The following SMYD2 variants were observed in gnomAD, a reference collection of about 807,000 sequenced individuals.
The protein encoded by SMYD2 is N-lysine methyltransferase SMYD2.
In SMYD2, 53 loss-of-function variants were observed where a neutral mutation model predicts 59.1. The observed-to-expected ratio is 0.90, with a 90% confidence interval of 0.72 to 1.13. The LOEUF is 1.13. Among genes scored for constraint, SMYD2 ranks in the 50% most tolerant of loss-of-function variants. SMYD2 has a pLI of 0.00. For synonymous variants in SMYD2, 208 were observed against 198.8 expected (o/e 1.05, Z -0.39); for missense variants, 494 against 544.7 (o/e 0.91, Z 0.93).
chr1:214,319,145 A>G (rs1013654278), intron 5 of SMYD2, among the ~76,000 whole-genome samples, 162 bp downstream of exon 5: 6 of 152,170 alleles, frequency 3.9e-5, no homozygotes, highest in African/African-American at 1.4e-4. Flanking sequence ...AGCCTTGCTC[A>G]GTGACCTTGA....
chr1:214,288,176 G>A (rs962552002), intron 1 of SMYD2, among the ~76,000 whole-genome samples: 2 of 152,108 alleles, frequency 1.3e-5, no homozygotes, highest in Non-Finnish European at 2.9e-5. Context: ...AAAAAAATTC[G>A]AAGAACCTGT....
intron 1 of SMYD2, among the ~76,000 whole-genome samples, chr1:214,297,109 T>C (rs1273101001): frequency 2.6e-5 from 4 of 152,218 alleles, no homozygotes; most frequent in Non-Finnish European, 5.9e-5. Context: ...TGTGTTACCA[T>C]AGGCCTGTGG....
intron 5 of SMYD2, among the ~76,000 whole-genome samples, chr1:214,323,311 G>T (rs72755497): frequency 0.068 from 10,331 of 152,230 alleles, 498 homozygotes; most frequent in Non-Finnish European, 0.1. Flanking sequence ...GTACATATCT[G>T]TGGAAAGAAT....
intron 1 of SMYD2, among the ~76,000 whole-genome samples, chr1:214,299,179 CAG>C (rs930255781): frequency 1.3e-5 from 2 of 152,072 alleles, no homozygotes; most frequent in African/African-American, 4.8e-5. Context: ...TAAAAAATAA[CAG>C]ATGCTGGTGA....
At chr1:214,304,587 C>T (rs1312075914) in intron 1 of SMYD2, among the ~76,000 whole-genome samples, 2 of 105,532 alleles carry the variant, frequency 1.9e-5, no homozygotes, top group African/African-American at 4.0e-5. Context: ...AAAAAAGCAT[C>T]TATCTCCACT....
At chr1:214,313,749 A>G (rs1657036657) in intron 2 of SMYD2, among the ~76,000 whole-genome samples, 1 of 151,940 alleles carries the variant, frequency 6.6e-6, no homozygotes, top group Non-Finnish European at 1.5e-5. Flanking sequence ...TGCTTCCCTC[A>G]GCCTCCAAAA....
chr1:214,330,323 C>A (rs764346053), intron 8 of SMYD2, 45 bp downstream of exon 8: 14 of 1,314,540 alleles, frequency 1.1e-5, no homozygotes, highest in Non-Finnish European at 1.3e-5. Flanking sequence ...ACTCTGATCT[C>A]AGGACCTCTC....
At position 214,318,853 on chromosome 1, in the gene SMYD2, C is replaced by G. The variant is rs779454485; in HGVS notation, c.410-6C>G. The G allele has an allele frequency of 1.9e-6, 3 of 1,612,882 alleles. No individual in the cohort carries two copies. The highest frequency in any genetic ancestry group is 1.1e-5 in the South Asian group (1 of 90,976). Reference sequence around the variant, plus strand: ...ACTGGGTGAATAATGGATTATTTATCCACAGATCTGGATAAGTTAGACAAT... The same window carrying G: ...ACTGGGTGAATAATGGATTATTTATGCACAGATCTGGATAAGTTAGACAAT... On this transcript the variant is annotated splice_region_variant and splice_polypyrimidine_tract_variant and intron_variant, in intron 4 of 11. Transcript: ENST00000366957. This position sits in a 1 kb window ranked among gnomAD's most constrained non-coding sequence, Gnocchi z 5.4.
intron 11 of SMYD2, 75 bp downstream of exon 11, chr1:214,334,383 A>T: frequency 7.5e-7 from 1 of 1,333,718 alleles, no homozygotes; most frequent in Non-Finnish European, 1.1e-6. Context: ...ATGCCTCACC[A>T]GGCTGAATGG....
chr1:214,283,334 C>T (rs1656479113), intron 1 of SMYD2, among the ~76,000 whole-genome samples: 1 of 152,120 alleles, frequency 6.6e-6, no homozygotes, highest in African/African-American at 2.4e-5. Context: ...CTCACTGTTG[C>T]CTTGGGTCCC....
intron 1 of SMYD2, among the ~76,000 whole-genome samples, chr1:214,290,684 G>A (rs889396596): frequency 8.5e-5 from 13 of 152,280 alleles, no homozygotes; most frequent in African/African-American, 3.1e-4. Context: ...AGACCTGAAT[G>A]TATCTTGGGG....
At chr1:214,324,085 G>A (rs568742290) in intron 5 of SMYD2, among the ~76,000 whole-genome samples, 5 of 152,194 alleles carry the variant, frequency 3.3e-5, no homozygotes, top group African/African-American at 1.2e-4. Flanking sequence ...GCGCCACCAC[G>A]CCTGGATAAT....
intron 6 of SMYD2, 86 bp downstream of exon 6, chr1:214,324,794 A>C: frequency 8.4e-7 from 1 of 1,188,644 alleles, no homozygotes; most frequent in Non-Finnish European, 1.2e-6. Context: ...AACCCACCTA[A>C]CTGCATGTGG....
intron 1 of SMYD2, among the ~76,000 whole-genome samples, chr1:214,295,178 G>A (rs1656703490): frequency 6.6e-6 from 1 of 152,170 alleles, no homozygotes; most frequent in Non-Finnish European, 1.5e-5. Flanking sequence ...GTGTTACTCT[G>A]ACCTTGCACA....
At chr1:214,331,875 T>C (rs751733828) in intron 9 of SMYD2, 143 bp from the exon 10 acceptor site, 15 of 709,236 alleles carry the variant, frequency 2.1e-5, no homozygotes, top group Non-Finnish European at 3.4e-5. Context: ...TGTAATTCCT[T>C]TCACTTTTGC....
chr1:214,327,689 G>A lies in SMYD2; in HGVS notation c.670G>A (p.Val224Ile), dbSNP rs771903679. ...GACCTACAAAGGGACCCTGGCAGAA[G>A]TCAGAGCTGTACAGGAAATCAAGCC... ...IVTYKGTLAE[V>I]RAVQEIKPGE... The change falls in exon 7 of 12, where the codon GTC becomes ATC. Residue 224 changes from valine (V) to isoleucine (I), a missense_variant. Physicochemically the swap from Val to Ile is conservative, Grantham distance 29. Coordinates refer to ENST00000366957, the MANE Select transcript of SMYD2 (RefSeq NM_020197.3). The A allele has an allele frequency of 1.2e-6, 2 of 1,614,190 alleles. No individual in the cohort carries two copies. The highest frequency in any genetic ancestry group is 2.2e-5 in the South Asian group (2 of 91,080).
At chr1:214,304,101 T>C (rs1200404323) in intron 1 of SMYD2, among the ~76,000 whole-genome samples, 2 of 152,206 alleles carry the variant, frequency 1.3e-5, no homozygotes, top group African/African-American at 2.4e-5. Flanking sequence ...CACCTAACAG[T>C]TGGGAAGCAA....
intron 2 of SMYD2, among the ~76,000 whole-genome samples, chr1:214,310,364 A>G (rs1656980363): frequency 6.6e-6 from 1 of 152,250 alleles, no homozygotes; most frequent in Non-Finnish European, 1.5e-5. Flanking sequence ...TTTAAGTTAC[A>G]CAGTCTGTCC....
intron 5 of SMYD2, among the ~76,000 whole-genome samples, chr1:214,319,617 C>T (rs1363548040): frequency 2.0e-5 from 3 of 151,890 alleles, no homozygotes; most frequent in African/African-American, 7.2e-5. Flanking sequence ...GCAAGGCAAG[C>T]CTTGGGCATT....
Sources: allele counts gnomAD v4.1 joint callset (sites outside exome capture counted in the v4.1 genomes callset), GRCh38; gene constraint gnomAD v4.1.1; non-coding constraint Gnocchi (gnomAD v3.1); transcripts MANE v1.5; gene names NCBI Gene and HGNC (gene_info 2026-07-23, HGNC 2026-07-21).